Variants in STAB2 observed in about 807,000 individuals in gnomAD.
STAB2 encodes the protein stabilin 2.
A neutral mutation model predicts 338.1 loss-of-function variants in STAB2; 288 were observed. That is an observed-to-expected ratio of 0.85 (90% CI 0.77 to 0.94). The LOEUF is 0.94. Among genes scored for constraint, STAB2 ranks in the 40% least tolerant of loss-of-function variants. The pLI, the probability that STAB2 is intolerant of heterozygous loss-of-function variation, is 0.00. For synonymous variants in STAB2, 1,202 were observed against 1,193.3 expected (o/e 1.01, Z -0.15); for missense variants, 3,141 against 3,210.1 (o/e 0.98, Z 0.52).
chr12:103,648,452 G>A (rs926280431), intron 9 of STAB2, among the ~76,000 whole-genome samples: 11 of 152,086 alleles, frequency 7.2e-5, no homozygotes, highest in Non-Finnish European at 1.3e-4. Flanking sequence ...CACACTTTGA[G>A]AAATACTGAG....
At position 103,753,226 on chromosome 12, in the gene STAB2, C is replaced by G. The variant is rs756791502; in HGVS notation, c.6587C>G (p.Thr2196Ser). The G allele has an allele frequency of 6.2e-7, 1 of 1,614,196 alleles. No individual in the cohort carries two copies. Among genetic ancestry groups the G allele is most frequent in the East Asian group, 2.2e-5 (1 of 44,884 alleles). The change falls in exon 61 of 69, where the codon ACT becomes AGT. Residue 2196 changes from threonine (T) to serine (S), a missense_variant. Thr to Ser is a moderately conservative substitution (Grantham distance 58, BLOSUM62 1). Transcript: ENST00000388887. ...KCVDLHFQDTTVGVFHLRSPL... is the reference protein window; with the variant it reads ...KCVDLHFQDTSVGVFHLRSPL... ...CCTCCTCTTCCTCATCCAGATACCACTGTTGGGGTGTTCCATCTACGCTCC... is the reference window on the plus strand; with the variant it reads ...CCTCCTCTTCCTCATCCAGATACCAGTGTTGGGGTGTTCCATCTACGCTCC...
At chr12:103,702,810 T>C (rs1330142371) in intron 34 of STAB2, among the ~76,000 whole-genome samples, 1 of 152,146 alleles carries the variant, frequency 6.6e-6, no homozygotes, top group Non-Finnish European at 1.5e-5. Flanking sequence ...ATAATGATCA[T>C]GGGTGGTATT....
chr12:103,626,622 T>C lies in STAB2; in HGVS notation c.487+4511T>C, dbSNP rs571725458. Among the ~76,000 whole-genome samples, 14 of 152,354 alleles carry C rather than the reference T, an allele frequency of 9.2e-5. No individual in the cohort carries two copies. In the South Asian group the frequency reaches 1.4e-3, roughly 16 times the overall value. On this transcript the variant is annotated intron_variant, in intron 5 of 68. Transcript: ENST00000388887. ...AATGGATGAATGAATGACTCAGCGA[T>C]GCCTGGTCATTTCCCACTGACAAGG... is the stretch of plus-strand genomic sequence containing the variant.
intron 9 of STAB2, among the ~76,000 whole-genome samples, chr12:103,640,669 AGTG>A (rs1278720659): frequency 1.3e-5 from 2 of 152,196 alleles, no homozygotes; most frequent in African/African-American, 4.8e-5. Flanking sequence ...AATAAGCACT[AGTG>A]GTGTTTCCTG....
At chr12:103,696,654 C>A (rs1294898298) in intron 33 of STAB2, among the ~76,000 whole-genome samples, 1 of 152,088 alleles carries the variant, frequency 6.6e-6, no homozygotes, top group African/African-American at 2.4e-5. Flanking sequence ...TGTTAGGAAT[C>A]AGGGAAAATA....
chr12:103,603,035 T>C (rs944611350), intron 3 of STAB2, among the ~76,000 whole-genome samples: 2 of 152,172 alleles, frequency 1.3e-5, no homozygotes, highest in Admixed American at 6.5e-5. Context: ...TTCAGGTCTA[T>C]CATCCATTCC....
At chr12:103,723,749 T>A (rs1006616338) in intron 44 of STAB2, among the ~76,000 whole-genome samples, 3 of 151,512 alleles carry the variant, frequency 2.0e-5, no homozygotes, top group Non-Finnish European at 4.4e-5. Context: ...CCAGGGAGGG[T>A]CACAGTGTTC....
At chr12:103,624,184 T>C (rs1188787886) in intron 5 of STAB2, among the ~76,000 whole-genome samples, 1 of 152,228 alleles carries the variant, frequency 6.6e-6, no homozygotes, top group Non-Finnish European at 1.5e-5. Flanking sequence ...CATTGCCTTG[T>C]TCTAATCCAT....
rs1878073211 is a variant in STAB2 at position 103,692,894 on chromosome 12, A to C, written c.3375+5A>C. The C allele has an allele frequency of 3.1e-6, 5 of 1,611,138 alleles. No individual in the cohort carries two copies. In the African/African-American group the frequency reaches 6.7e-5, roughly 22 times the overall value. ...GTGATACACATCATCAACAAGGTAC[A>C]AGATTCCATTCTCCTGTGCGTGCAG... is the stretch of plus-strand genomic sequence containing the variant. On this transcript the variant is annotated splice_donor_5th_base_variant and intron_variant, in intron 31 of 68. Transcript: ENST00000388887.
intron 5 of STAB2, among the ~76,000 whole-genome samples, chr12:103,630,085 G>A (rs1442190304): frequency 1.3e-5 from 2 of 152,222 alleles, no homozygotes; most frequent in Non-Finnish European, 2.9e-5. Flanking sequence ...GAGTCATTGA[G>A]ATATTTTGGG....
intron 66 of STAB2, among the ~76,000 whole-genome samples, chr12:103,761,723 C>T (rs907527112): frequency 6.6e-6 from 1 of 152,174 alleles, no homozygotes; most frequent in Admixed American, 6.5e-5. Context: ...CCCTCCACTT[C>T]GTAGCATCTC....
At chr12:103,654,958 G>C in intron 13 of STAB2, 1 of 549,778 alleles carries the variant, frequency 1.8e-6, no homozygotes, top group Non-Finnish European at 3.1e-6. Context: ...AGGCAACTCA[G>C]TCCATGACCA....
intron 55 of STAB2, 75 bp downstream of exon 55, chr12:103,740,831 T>C (rs1435982127): frequency 6.8e-7 from 1 of 1,477,966 alleles, no homozygotes; most frequent in African/African-American, 1.4e-5. Flanking sequence ...TCTTTGAATG[T>C]ACCAAAATTA....
intron 9 of STAB2, among the ~76,000 whole-genome samples, chr12:103,642,236 T>C (rs1872976769): frequency 6.6e-6 from 1 of 152,258 alleles, no homozygotes; most frequent in Non-Finnish European, 1.5e-5. Flanking sequence ...AATAACTTTA[T>C]GCTTTGCCTT....
rs372685694 is a variant in STAB2, at chr12:103,706,945, G to A, written c.4150G>A (p.Glu1384Lys). 52 of 1,614,190 alleles carry A rather than the reference G, an allele frequency of 3.2e-5. No individual in the cohort carries two copies. The Admixed American group carries it at 4.5e-4, about 14-fold the overall frequency. ...CGEGFSGTACETCTEGKYGIH... is the reference protein window; with the variant it reads ...CGEGFSGTACKTCTEGKYGIH... ...GGAGGGCTTCAGCGGCACAGCCTGCGAGACCTGCACCGAGGGCAAGTACGG... is the reference window on the plus strand; with the variant it reads ...GGAGGGCTTCAGCGGCACAGCCTGCAAGACCTGCACCGAGGGCAAGTACGG... The change falls in exon 38 of 69, where the codon GAG becomes AAG. Residue 1384 changes from glutamate (E) to lysine (K), a missense_variant. By Grantham distance (56) the Glu-to-Lys change is moderately conservative. Transcript: ENST00000388887.
intron 68 of STAB2, chr12:103,765,937 G>T (rs191482718): frequency 5.3e-6 from 2 of 379,370 alleles, no homozygotes; most frequent in South Asian, 4.2e-5. Context: ...AATATTATTA[G>T]CCACCTTTTG....
intron 49 of STAB2, among the ~76,000 whole-genome samples, chr12:103,730,926 T>C (rs1881585170): frequency 6.6e-6 from 1 of 152,150 alleles, no homozygotes; most frequent in African/African-American, 2.4e-5. Context: ...GGTGCATGCC[T>C]ATAATCCCAG....
chr12:103,742,162 C>G (rs7316328), intron 55 of STAB2, among the ~76,000 whole-genome samples: 46,879 of 152,016 alleles, frequency 0.31, 7,687 homozygotes, highest in East Asian at 0.65. Context: ...ATCCTCAAAT[C>G]CAGTGCACAA....
At chr12:103,606,094 A>G (rs749387856) in intron 3 of STAB2, among the ~76,000 whole-genome samples, 15 of 151,884 alleles carry the variant, frequency 9.9e-5, no homozygotes, top group Non-Finnish European at 2.1e-4. Context: ...ATTCTTTTTT[A>G]GGATCCTCTT....
Sources: allele counts gnomAD v4.1 joint callset (sites outside exome capture counted in the v4.1 genomes callset), GRCh38; gene constraint gnomAD v4.1.1; transcripts MANE v1.5; gene names NCBI Gene and HGNC (gene_info 2026-07-23, HGNC 2026-07-21).